Variants in ARPC1A observed in about 807,000 individuals in gnomAD.
ARPC1A encodes the protein actin related protein 2/3 complex subunit 1A.
A neutral mutation model predicts 46.9 loss-of-function variants in ARPC1A; 8 were observed. The ratio of observed to expected loss-of-function variants is 0.17; its 90% CI spans 0.10 to 0.31. ARPC1A has a LOEUF of 0.31. Among genes scored for constraint, ARPC1A ranks in the 10% least tolerant of loss-of-function variants. The pLI is 1.00. For synonymous variants in ARPC1A, 152 were observed against 169.0 expected (o/e 0.90, Z 0.78); for missense variants, 286 against 483.6 (o/e 0.59, Z 3.83).
chr7:99,359,110 T>C (rs1793693246), intron 7 of ARPC1A, among the ~76,000 whole-genome samples: 3 of 146,552 alleles, frequency 2.0e-5, no homozygotes, highest in South Asian at 2.3e-4. Context: ...GGATTACAGG[T>C]GTGAGCCACC....
rs965380890 is a variant in ARPC1A, at chr7:99,358,505, C to T, written c.789+90C>T. On this transcript the variant is annotated intron_variant, in intron 7 of 9. Coordinates refer to ENST00000262942, the MANE Select transcript of ARPC1A (RefSeq NM_006409.4). Reference sequence around the variant, plus strand: ...TGTGCTCTGTCACCCTAGCACAAAGCAGAACAGTTTTTTAGAAGAAACAGA... The same window carrying T: ...TGTGCTCTGTCACCCTAGCACAAAGTAGAACAGTTTTTTAGAAGAAACAGA... 4.9e-5 allele frequency: 50 copies of T among 1,023,698 alleles called. 1 individual carries two copies. The highest frequency in any genetic ancestry group is 6.7e-5 in the Non-Finnish European group (46 of 690,354). The allele number at this position is 1,023,698 out of a possible 1,614,324, so 63.4% of individuals were successfully genotyped here.
chr7:99,359,394 C>A (rs1793697936), intron 7 of ARPC1A, 151 bp from the exon 8 acceptor site: 1 of 740,572 alleles, frequency 1.4e-6, no homozygotes, highest in Non-Finnish European at 2.2e-6. Flanking sequence ...TGAGATTGTG[C>A]CACTGCACTC....
At chr7:99,350,235 C>T (rs1237356167) in intron 5 of ARPC1A, among the ~76,000 whole-genome samples, 1 of 152,162 alleles carries the variant, frequency 6.6e-6, no homozygotes, top group Non-Finnish European at 1.5e-5. Flanking sequence ...CTCTCTCTGT[C>T]TCTGTCTCTG....
At chr7:99,333,074 T>C (rs1440942995) in intron 1 of ARPC1A, among the ~76,000 whole-genome samples, 1 of 152,120 alleles carries the variant, frequency 6.6e-6, no homozygotes, top group African/African-American at 2.4e-5. Context: ...TTTTTGTATT[T>C]TTAGTAGAAA....
chr7:99,349,674 T>TA (rs1372906207), intron 5 of ARPC1A, among the ~76,000 whole-genome samples: 5 of 151,880 alleles, frequency 3.3e-5, no homozygotes, highest in East Asian at 3.9e-4. Flanking sequence ...CCGTCTCTAC[T>TA]AAAAAAATAC....
intron 3 of ARPC1A, among the ~76,000 whole-genome samples, chr7:99,340,446 A>G: frequency 7.7e-6 from 1 of 129,952 alleles, no homozygotes; most frequent in East Asian, 2.3e-4. Flanking sequence ...TACAGGTGTG[A>G]CCCTTTTTTT....
intron 5 of ARPC1A, among the ~76,000 whole-genome samples, chr7:99,351,092 G>A (rs1266031639): frequency 6.6e-6 from 1 of 152,106 alleles, no homozygotes; most frequent in Non-Finnish European, 1.5e-5. Flanking sequence ...GGAGTGTCAA[G>A]GCACTTTATA....
chr7:99,349,840 A>AAAAT (rs1272467496), intron 5 of ARPC1A, among the ~76,000 whole-genome samples: 2 of 151,870 alleles, frequency 1.3e-5, no homozygotes, highest in African/African-American at 2.4e-5. Flanking sequence ...ACTCTGTCTC[A>AAAAT]AAATAAATAA....
At chr7:99,328,985 G>T (rs1197747721) in intron 1 of ARPC1A, among the ~76,000 whole-genome samples, 1 of 151,816 alleles carries the variant, frequency 6.6e-6, no homozygotes, top group Non-Finnish European at 1.5e-5. Flanking sequence ...AAGGGATGAG[G>T]GGGGAGGGAG....
At chr7:99,359,463 A>T in intron 7 of ARPC1A, 82 bp from the exon 8 acceptor site, 10 of 1,176,198 alleles carry the variant, frequency 8.5e-6, no homozygotes, top group Non-Finnish European at 1.2e-5. Flanking sequence ...AGAGTAAGAG[A>T]GGCCTGTCGT....
At chr7:99,365,766 TG>T in intron 9 of ARPC1A, 124 bp from the exon 10 acceptor site, 2 of 997,496 alleles carry the variant, frequency 2.0e-6, no homozygotes, top group Non-Finnish European at 1.5e-6. Context: ...CTGTTTCAGG[TG>T]GGGCAGGGCC....
Position 99,359,801 on chromosome 7 carries a change from C to T in ARPC1A, c.983+63C>T, listed in dbSNP as rs1020632763. The stretch of plus-strand genomic sequence containing the variant: ...GTGCCTTCCTGCCCCTCGCTGTTTC[C>T]TTACTGGGTTCCTACAAAAGCTCTA... On this transcript the variant is annotated intron_variant, in intron 8 of 9. Transcript: ENST00000262942. The T allele has an allele frequency of 2.6e-6, 4 of 1,567,788 alleles. No homozygotes were observed. In the East Asian group the frequency reaches 6.8e-5, roughly 27 times the overall value.
At position 99,333,347 on chromosome 7, in the gene ARPC1A, A is replaced by G. The variant is rs781381414; in HGVS notation, c.-7A>G. On this transcript the variant is annotated 5_prime_UTR_variant, in exon 2 of 10. Coordinates refer to ENST00000262942, the MANE Select transcript of ARPC1A (RefSeq NM_006409.4). ...CAGCTTTCTCTCCTTTGAAAACACTAAGAATAATGTCACTGCATCAGTTTT... is the reference window on the plus strand; with the variant it reads ...CAGCTTTCTCTCCTTTGAAAACACTGAGAATAATGTCACTGCATCAGTTTT... 1.6e-4 allele frequency: 265 copies of G among 1,612,050 alleles called. 1 individual carries two copies. The highest frequency in any genetic ancestry group is 2.0e-4 in the Non-Finnish European group (239 of 1,178,564).
chr7:99,353,113 T>TTTATGTTATGTTATGTTATGTTATG (rs201492356), intron 5 of ARPC1A, among the ~76,000 whole-genome samples: 1 of 136,614 alleles, frequency 7.3e-6, no homozygotes, highest in African/African-American at 2.9e-5. Context: ...TTTAGTTTAG[T>TTTATGTTATGTTATGTTATGTTATG]TTATGTTATG....
rs534301854 is a variant in ARPC1A, at chr7:99,333,968, C to A, written c.64+551C>A. 1.9e-4 allele frequency among the ~76,000 whole-genome samples: 29 copies of A among 150,808 alleles called. No homozygotes were observed. The South Asian group carries it at 6.1e-3, about 32-fold the overall frequency. On this transcript the variant is annotated intron_variant, in intron 2 of 9. Coordinates refer to ENST00000262942, the MANE Select transcript of ARPC1A (RefSeq NM_006409.4). Reference sequence around the variant, plus strand: ...CCTGAGCAACATGGGGAAACCCTGTCTCTACGAAAAAAAATAGAAAAACTG... The same window carrying A: ...CCTGAGCAACATGGGGAAACCCTGTATCTACGAAAAAAAATAGAAAAACTG...
chr7:99,344,199 GTCTCATCC>G, intron 3 of ARPC1A, 86 bp from the exon 4 acceptor site: 5 of 1,153,136 alleles, frequency 4.3e-6, no homozygotes, highest in Non-Finnish European at 6.4e-6. Flanking sequence ...CCAAGACCAC[GTCTCATCC>G]TGGCATGCCA....
intron 6 of ARPC1A, among the ~76,000 whole-genome samples, chr7:99,355,007 A>G (rs1257559775): frequency 6.6e-6 from 1 of 151,606 alleles, no homozygotes; most frequent in African/African-American, 2.4e-5. Flanking sequence ...CCAGCTACTC[A>G]GGAGGCTGAG....
intron 8 of ARPC1A, among the ~76,000 whole-genome samples, chr7:99,361,195 T>G (rs1176211413): frequency 6.6e-6 from 1 of 152,078 alleles, no homozygotes; most frequent in Admixed American, 6.6e-5. Context: ...AGGCTGCAAA[T>G]GCTGTATTGA....
intron 5 of ARPC1A, 67 bp downstream of exon 5, chr7:99,349,026 G>T: frequency 6.9e-7 from 1 of 1,450,326 alleles, no homozygotes; most frequent in South Asian, 1.2e-5. Context: ...ATAATTTTAG[G>T]TTCTCTTTCT....
Sources: allele counts gnomAD v4.1 joint callset (sites outside exome capture counted in the v4.1 genomes callset), GRCh38; gene constraint gnomAD v4.1.1; transcripts MANE v1.5; gene names NCBI Gene and HGNC (gene_info 2026-07-23, HGNC 2026-07-21).